Variants in SKAP1 observed in about 807,000 individuals in gnomAD.
The protein encoded by SKAP1 is src kinase associated phosphoprotein 1.
In SKAP1, 44 loss-of-function variants were observed where a neutral mutation model predicts 58.5. The ratio of observed to expected loss-of-function variants is 0.75; its 90% CI spans 0.59 to 0.97. The LOEUF (loss-of-function observed/expected upper bound fraction) is 0.97, where lower values mean the gene tolerates loss of function less well. Ranked by LOEUF, SKAP1 falls within the 50% of genes least tolerant of loss-of-function variation. The pLI is 0.00. For synonymous variants in SKAP1, 127 were observed against 149.7 expected (o/e 0.85, Z 1.11); for missense variants, 390 against 435.2 (o/e 0.90, Z 0.92).
At chr17:48,193,920 G>C (rs1030821214) in intron 4 of SKAP1, 6 of 168,172 alleles carry the variant, frequency 3.6e-5, no homozygotes, top group African/African-American at 1.4e-4. Flanking sequence ...TTATATTTAA[G>C]TATACAATTA....
chr17:48,219,382 A>G (rs1314877543), intron 4 of SKAP1, among the ~76,000 whole-genome samples: 4 of 152,216 alleles, frequency 2.6e-5, no homozygotes, highest in African/African-American at 9.6e-5. Flanking sequence ...TGAAACTCTT[A>G]TATGTCCAGC....
intron 4 of SKAP1, among the ~76,000 whole-genome samples, chr17:48,197,690 A>T (rs1317109448): frequency 6.6e-6 from 1 of 152,180 alleles, no homozygotes; most frequent in Non-Finnish European, 1.5e-5. Context: ...AAAACAAACA[A>T]ACAAAAAACA....
intron 4 of SKAP1, among the ~76,000 whole-genome samples, chr17:48,336,289 T>A (rs1158633065): frequency 6.6e-6 from 1 of 152,024 alleles, no homozygotes; most frequent in Non-Finnish European, 1.5e-5. Context: ...CATCTTCTAG[T>A]GGTTTATATG....
chr17:48,410,164 T>C (rs2067644480), intron 1 of SKAP1, among the ~76,000 whole-genome samples: 1 of 152,106 alleles, frequency 6.6e-6, no homozygotes, highest in African/African-American at 2.4e-5. Flanking sequence ...AGTAAATGGA[T>C]GATGAATGGT....
At chr17:48,193,890 G>T in intron 4 of SKAP1, 1 of 239,070 alleles carries the variant, frequency 4.2e-6, no homozygotes, top group Non-Finnish European at 6.8e-6. Context: ...TGTATAAGTT[G>T]CTATTTTAAG....
At chr17:48,249,566 C>T (rs1163292439) in intron 4 of SKAP1, among the ~76,000 whole-genome samples, 2 of 151,778 alleles carry the variant, frequency 1.3e-5, no homozygotes, top group Non-Finnish European at 2.9e-5. Context: ...CCTAGCTACT[C>T]GGGAGGCTGC....
intron 2 of SKAP1, among the ~76,000 whole-genome samples, chr17:48,395,055 C>T (rs2067398181): frequency 6.6e-6 from 1 of 152,074 alleles, no homozygotes; most frequent in Admixed American, 6.5e-5. Context: ...GAATGTCTAC[C>T]CCACAAACCA....
chr17:48,138,089 AAG>A (rs777340511), intron 11 of SKAP1, among the ~76,000 whole-genome samples: 102 of 152,348 alleles, frequency 6.7e-4, no homozygotes, highest in Admixed American at 1.8e-3. Flanking sequence ...ACAAACAAGA[AAG>A]AGGATGAGAG....
intron 4 of SKAP1, among the ~76,000 whole-genome samples, chr17:48,299,902 C>T (rs370400545): frequency 5.3e-5 from 8 of 151,850 alleles, no homozygotes; most frequent in African/African-American, 9.7e-5. Flanking sequence ...GCTGGGTTTG[C>T]GGAATGATGA....
At chr17:48,355,223 T>C (rs940014588) in intron 3 of SKAP1, among the ~76,000 whole-genome samples, 3 of 152,202 alleles carry the variant, frequency 2.0e-5, no homozygotes, top group Non-Finnish European at 4.4e-5. Flanking sequence ...AGAAAAGATA[T>C]CATTATCAGT....
intron 11 of SKAP1, among the ~76,000 whole-genome samples, chr17:48,141,203 T>C (rs2143036604): frequency 6.6e-6 from 1 of 152,258 alleles, no homozygotes; most frequent in Non-Finnish European, 1.5e-5. Context: ...CATGTAGCTA[T>C]CGTCTCACGT....
intron 1 of SKAP1, among the ~76,000 whole-genome samples, chr17:48,417,796 C>T (rs1297823891): frequency 6.7e-6 from 1 of 149,930 alleles, no homozygotes; most frequent in Non-Finnish European, 1.5e-5. Flanking sequence ...CACTAAGATA[C>T]ACAGATAAAG....
intron 4 of SKAP1, among the ~76,000 whole-genome samples, chr17:48,240,160 TGCTAGATATGA>T (rs888357693): frequency 6.6e-6 from 1 of 151,550 alleles, no homozygotes; most frequent in African/African-American, 2.4e-5. Context: ...AATTGAGCAT[TGCTAGATATGA>T]GGGAGAAGGG....
intron 2 of SKAP1, among the ~76,000 whole-genome samples, chr17:48,390,465 TA>T (rs1024503181): frequency 6.6e-6 from 1 of 151,088 alleles, no homozygotes; most frequent in Non-Finnish European, 1.5e-5. Context: ...CTTCACGTAT[TA>T]AAAAAAAAGG....
At chr17:48,220,443 A>G (rs1274334993) in intron 4 of SKAP1, among the ~76,000 whole-genome samples, 1 of 152,260 alleles carries the variant, frequency 6.6e-6, no homozygotes, top group Non-Finnish European at 1.5e-5. Flanking sequence ...GAGTCCAGAC[A>G]CACAAAAGTA....
rs981049731 is a variant in SKAP1, at chr17:48,365,756, A to G, written c.153-1942T>C. ...TTTTCTATCCTCATTTTGACCTCTC[A>G]GGAGTGTAGATGTGCGTCGGAGCTT... On this transcript the variant is annotated intron_variant, in intron 2 of 12. Transcript: ENST00000336915. Among the ~76,000 whole-genome samples the G allele has an allele frequency of 2.0e-5, 3 of 149,474 alleles. No individual in the cohort carries two copies. In the Admixed American group the frequency reaches 2.0e-4, roughly 10 times the overall value.
At chr17:48,381,047 G>C (rs1459889707) in intron 2 of SKAP1, among the ~76,000 whole-genome samples, 2 of 152,174 alleles carry the variant, frequency 1.3e-5, no homozygotes, top group African/African-American at 4.8e-5. Context: ...ATCAAGTATG[G>C]CAAAGGAGAT....
At chr17:48,338,296 C>T (rs551480880) in intron 4 of SKAP1, among the ~76,000 whole-genome samples, 1 of 151,882 alleles carries the variant, frequency 6.6e-6, no homozygotes, top group African/African-American at 2.4e-5. Flanking sequence ...ATTACAGGCA[C>T]CCGCCACCAC....
At chr17:48,388,461 A>G (rs2067305812) in intron 2 of SKAP1, among the ~76,000 whole-genome samples, 1 of 152,140 alleles carries the variant, frequency 6.6e-6, no homozygotes, top group African/African-American at 2.4e-5. Context: ...ACAAACAACA[A>G]TAAAAAACCT....
Sources: allele counts gnomAD v4.1 joint callset (sites outside exome capture counted in the v4.1 genomes callset), GRCh38; gene constraint gnomAD v4.1.1; transcripts MANE v1.5; gene names NCBI Gene and HGNC (gene_info 2026-07-23, HGNC 2026-07-21).